The following EPB41L5 variants were observed in gnomAD, a reference collection of about 807,000 sequenced individuals.
EPB41L5 encodes the protein band 4.1-like protein 5.
Under a neutral mutation model 106.6 loss-of-function variants are expected in EPB41L5, and 55 were observed. That is an observed-to-expected ratio of 0.52 (90% CI 0.42 to 0.65). The LOEUF is 0.65. Ranked by LOEUF, EPB41L5 falls within the 30% of genes least tolerant of loss-of-function variation. EPB41L5 has a pLI of 0.00. For missense variants in EPB41L5, 871 were observed against 882.1 expected (o/e 0.99, Z 0.16); for synonymous variants, 297 against 306.7 (o/e 0.97, Z 0.33).
intron 7 of EPB41L5, 151 bp from the exon 8 acceptor site, chr2:120,076,820 C>A: frequency 1.6e-6 from 1 of 615,272 alleles, no homozygotes; most frequent in Non-Finnish European, 2.6e-6. Flanking sequence ...GACTAATATG[C>A]CAGATTTACT....
chr2:120,086,591 G>T (rs1041893128), intron 10 of EPB41L5, among the ~76,000 whole-genome samples: 1 of 151,878 alleles, frequency 6.6e-6, no homozygotes. Flanking sequence ...GCGAGATGCC[G>T]TCTCTACAAA....
At chr2:120,076,100 T>C (rs1038133907) in intron 7 of EPB41L5, among the ~76,000 whole-genome samples, 10 of 152,210 alleles carry the variant, frequency 6.6e-5, no homozygotes, top group African/African-American at 1.9e-4. Flanking sequence ...GTCCTTTTGC[T>C]CCAAACCTAC....
intron 17 of EPB41L5, chr2:120,128,215 G>C (rs1055847653): frequency 6.7e-6 from 1 of 150,218 alleles, no homozygotes. Context: ...TTATTGCCTA[G>C]GCCCACAAAA....
intron 18 of EPB41L5, among the ~76,000 whole-genome samples, chr2:120,137,458 C>A (rs991608555): frequency 1.3e-5 from 2 of 151,574 alleles, no homozygotes; most frequent in Admixed American, 6.6e-5. Flanking sequence ...AATGGACAAA[C>A]CTTTGGCCAG....
In EPB41L5 at chr2:120,175,418, C is replaced by CTT. The variant is rs34620344; in HGVS notation, c.*524_*525dup. 0.11 allele frequency: 15,334 copies of CTT among 143,612 alleles called. 1,126 individuals carry two copies. Among genetic ancestry groups the CTT allele is most frequent in the African/African-American group, 0.21 (8,215 of 39,142 alleles). 8.9% of individuals were successfully genotyped at this position (143,612 alleles called of 1,614,324 possible). A position where few individuals can be genotyped will look rare whatever the true frequency, so the allele number is the denominator to read the frequency against. ...ACTATAAAGGCAGACTTAGGGCCAA[C>CTT]TTTTTTTTTTTTTTACAATTATTAC... is the stretch of plus-strand genomic sequence containing the variant. On this transcript the variant is annotated 3_prime_UTR_variant, in exon 25 of 25. Transcript: ENST00000263713.
In EPB41L5 at chr2:120,094,632, TG is replaced by T. The variant is rs1302161996; in HGVS notation, c.1178+1357del. Among the ~76,000 whole-genome samples, 6 of 152,226 alleles carry T rather than the reference TG, an allele frequency of 3.9e-5. No individual in the cohort carries two copies. The East Asian group carries it at 1.2e-3, about 29-fold the overall frequency. The stretch of plus-strand genomic sequence containing the variant: ...TCCTTCCACTTTAGGTTTAGTTTGC[TG>T]TTTTTCTAGTATTTAAGGTGGAAGA... On this transcript the variant is annotated intron_variant, in intron 14 of 24. Transcript: ENST00000263713.
At chr2:120,148,839 TG>T (rs996184460) in intron 20 of EPB41L5, among the ~76,000 whole-genome samples, 1 of 152,236 alleles carries the variant, frequency 6.6e-6, no homozygotes, top group Non-Finnish European at 1.5e-5. Flanking sequence ...AATTTTTTTT[TG>T]TAAATATACT....
intron 1 of EPB41L5, among the ~76,000 whole-genome samples, chr2:120,015,531 C>A (rs1677458157): frequency 6.6e-6 from 1 of 152,026 alleles, no homozygotes; most frequent in Admixed American, 6.6e-5. Context: ...TTTAGCGTGT[C>A]TGTGTGTGTG....
chr2:120,174,877 GCA>G lies in EPB41L5; in HGVS notation c.2173_2174del (p.Gln725GlufsTer7). ...PILAEEAVLK[Q>X]KCLLTTEL The stretch of plus-strand genomic sequence containing the variant: ...TTTTGGCAGAAGAAGCTGTCCTGAA[GCA>G]GAAGTGTTTACTGACCACTGAGCTC... On this transcript the variant is annotated frameshift_variant, in exon 25 of 25. Transcript: ENST00000263713. LOFTEE classifies it high-confidence loss of function. 6.2e-7 allele frequency: 1 copy of G among 1,614,196 alleles called. No individual in the cohort carries two copies. The highest frequency in any genetic ancestry group is 1.1e-5 in the South Asian group (1 of 91,082).
intron 24 of EPB41L5, among the ~76,000 whole-genome samples, chr2:120,172,173 C>T (rs1037651330): frequency 2.0e-5 from 3 of 151,976 alleles, no homozygotes; most frequent in African/African-American, 4.8e-5. Context: ...TGGCCTAGGA[C>T]GTCCTATATA....
At chr2:120,074,628 C>A (rs1162755671) in intron 5 of EPB41L5, among the ~76,000 whole-genome samples, 2 of 151,956 alleles carry the variant, frequency 1.3e-5, no homozygotes, top group African/African-American at 4.8e-5. Flanking sequence ...TTTGAATAAA[C>A]CTTATGTTGT....
At position 120,143,151 on chromosome 2, in the gene EPB41L5, T is replaced by A; in HGVS notation, c.1728+20T>A. On this transcript the variant is annotated intron_variant, in intron 19 of 24. Coordinates refer to ENST00000263713, the MANE Select transcript of EPB41L5 (RefSeq NM_020909.4). ...CATAAGGTAAGCTGCCTTTGATAGA[T>A]AGCCCTGGTGAAGTGAAATGAGCAT... The A allele has an allele frequency of 1.3e-6, 2 of 1,554,400 alleles. No individual in the cohort carries two copies. The highest frequency in any genetic ancestry group is 1.4e-5 in the African/African-American group (1 of 71,786).
intron 16 of EPB41L5, chr2:120,105,784 A>G: frequency 1.0e-6 from 1 of 985,376 alleles, no homozygotes; most frequent in Non-Finnish European, 1.2e-6. Flanking sequence ...CATAGCTCAG[A>G]TGATAATTGC....
intron 14 of EPB41L5, among the ~76,000 whole-genome samples, chr2:120,096,414 T>G (rs72841617): frequency 0.061 from 9,256 of 152,260 alleles, 374 homozygotes; most frequent in African/African-American, 0.11. Flanking sequence ...TTTTATTAGG[T>G]AAAAAAACAA....
intron 16 of EPB41L5, chr2:120,104,135 C>G (rs901964750): frequency 6.5e-7 from 1 of 1,535,922 alleles, no homozygotes; most frequent in Non-Finnish European, 8.7e-7. Flanking sequence ...CACCCCAGAC[C>G]GCACATAGAA....
At chr2:120,133,228 C>T (rs1021010188) in intron 18 of EPB41L5, among the ~76,000 whole-genome samples, 3 of 152,166 alleles carry the variant, frequency 2.0e-5, no homozygotes, top group Non-Finnish European at 4.4e-5. Context: ...CTCCAGTGAT[C>T]ATCCCCCTTG....
intron 2 of EPB41L5, among the ~76,000 whole-genome samples, chr2:120,028,433 G>A (rs957829650): frequency 7.9e-5 from 12 of 152,102 alleles, no homozygotes; most frequent in Non-Finnish European, 8.8e-5. Flanking sequence ...TATTCAGAAG[G>A]CTGGAGGTGA....
chr2:120,089,999 G>A (rs1193291412), intron 11 of EPB41L5, among the ~76,000 whole-genome samples: 1 of 151,898 alleles, frequency 6.6e-6, no homozygotes. Context: ...ACAAAAATGT[G>A]AGCATTTTTA....
In EPB41L5 at chr2:120,019,071, T is replaced by C; in HGVS notation, c.-8-6T>C. ...TGATGCCATCTTTTTCTCTCTGTTT[T>C]TATAGTGACAAAAATGCTGAGTTTC... On this transcript the variant is annotated splice_region_variant and splice_polypyrimidine_tract_variant and intron_variant, in intron 1 of 24. Transcript: ENST00000263713. The C allele has an allele frequency of 5.7e-6, 9 of 1,592,300 alleles. No individual in the cohort carries two copies. Among genetic ancestry groups the C allele is most frequent in the Non-Finnish European group, 7.7e-6 (9 of 1,171,848 alleles).
Sources: allele counts gnomAD v4.1 joint callset (sites outside exome capture counted in the v4.1 genomes callset), GRCh38; gene constraint gnomAD v4.1.1; transcripts MANE v1.5; gene names NCBI Gene and HGNC (gene_info 2026-07-23, HGNC 2026-07-21).